The following SLC16A10 variants were observed in gnomAD, a reference collection of about 807,000 sequenced individuals.
SLC16A10 encodes solute carrier family 16 member 10.
A neutral mutation model predicts 40.0 loss-of-function variants in SLC16A10; 27 were observed. That is an observed-to-expected ratio of 0.67 (90% confidence interval 0.50 to 0.93). The LOEUF (loss-of-function observed/expected upper bound fraction) is 0.93. Among genes scored for constraint, SLC16A10 ranks in the 40% least tolerant of loss-of-function variants. The pLI is 0.00. For missense variants in SLC16A10, 529 were observed against 658.2 expected, an observed-to-expected ratio of 0.80 and a Z score of 2.15; for synonymous variants, 213 against 249.8, an observed-to-expected ratio of 0.85 and a Z score of 1.39.
chr6:111,164,047 A>G (rs1031232896), intron 1 of SLC16A10, among the ~76,000 whole-genome samples: 4 of 152,204 alleles, frequency 2.6e-5, no homozygotes, highest in Non-Finnish European at 5.9e-5. Flanking sequence ...CTAATGTTCA[A>G]TTTACAGAAA....
At chr6:111,214,243 A>C (rs1032654739) in intron 4 of SLC16A10, among the ~76,000 whole-genome samples, 1 of 152,092 alleles carries the variant, frequency 6.6e-6, no homozygotes, top group African/African-American at 2.4e-5. Context: ...CTGGCTTATT[A>C]AGTGTCAGTG....
intron 1 of SLC16A10, among the ~76,000 whole-genome samples, chr6:111,117,806 A>G (rs1487024073): frequency 6.6e-6 from 1 of 152,212 alleles, no homozygotes; most frequent in Middle Eastern, 3.2e-3. Flanking sequence ...GCCTTGCTGA[A>G]CAATTAATCC....
At chr6:111,201,990 A>C (rs1773174877) in intron 3 of SLC16A10, among the ~76,000 whole-genome samples, 1 of 152,236 alleles carries the variant, frequency 6.6e-6, no homozygotes, top group Non-Finnish European at 1.5e-5. Context: ...TCATCAGAAC[A>C]CCATGTGATG....
intron 4 of SLC16A10, among the ~76,000 whole-genome samples, chr6:111,209,305 G>A (rs557278354): frequency 6.6e-6 from 1 of 152,166 alleles, no homozygotes; most frequent in Non-Finnish European, 1.5e-5. Flanking sequence ...GAGATACTGA[G>A]ATCAAATGGA....
At chr6:111,114,431 A>G (rs1226620749) in intron 1 of SLC16A10, among the ~76,000 whole-genome samples, 1 of 152,214 alleles carries the variant, frequency 6.6e-6, no homozygotes, top group Non-Finnish European at 1.5e-5. Flanking sequence ...TATTTTCTGT[A>G]CACTGAGAAA....
intron 1 of SLC16A10, among the ~76,000 whole-genome samples, chr6:111,133,826 T>C (rs1439221690): frequency 1.3e-5 from 2 of 152,284 alleles, no homozygotes; most frequent in Admixed American, 6.5e-5. Flanking sequence ...TCCCTGGTTA[T>C]GCACCCTCCA....
chr6:111,171,637 A>G (rs537964302), intron 1 of SLC16A10, among the ~76,000 whole-genome samples: 5 of 152,086 alleles, frequency 3.3e-5, no homozygotes, highest in Admixed American at 6.6e-5. Context: ...GCAACCTGGC[A>G]AAACCTTGTT....
chr6:111,164,934 G>T (rs376021054), intron 1 of SLC16A10, among the ~76,000 whole-genome samples: 1 of 152,016 alleles, frequency 6.6e-6, no homozygotes, highest in Non-Finnish European at 1.5e-5. Context: ...GAACTAAAAG[G>T]TATTATAGCT....
intron 1 of SLC16A10, among the ~76,000 whole-genome samples, chr6:111,124,514 C>T (rs1335294399): frequency 6.6e-6 from 1 of 152,036 alleles, no homozygotes; most frequent in Non-Finnish European, 1.5e-5. Flanking sequence ...AGGCGTGCAC[C>T]ACCACACCCA....
At chr6:111,175,545 C>T (rs1437988327) in intron 2 of SLC16A10, among the ~76,000 whole-genome samples, 2 of 152,082 alleles carry the variant, frequency 1.3e-5, no homozygotes, top group Admixed American at 1.3e-4. Flanking sequence ...AACAAATAAG[C>T]ACTTTAAGTA....
rs773230210 is a variant in SLC16A10 at position 111,218,875 on chromosome 6, G to A, written c.1148G>A (p.Gly383Glu). Residue 383 changes from glycine to glutamate, a missense_variant, in exon 5 of 6, where the codon GGG becomes GAG. Transcript: ENST00000368851. ...SMMIPLCSIF[G>E]ALIAVCLIMG... ...ATGATTCCTCTGTGTAGCATCTTTG[G>A]GGCCCTCATTGCTGTGTGCCTCATC... 4 of 1,614,008 alleles carry A rather than the reference G, an allele frequency of 2.5e-6. No individual in the cohort carries two copies. Among genetic ancestry groups the A allele is most frequent in the Non-Finnish European group, 2.5e-6 (3 of 1,180,018 alleles).
At chr6:111,212,746 T>A (rs1247704326) in intron 4 of SLC16A10, among the ~76,000 whole-genome samples, 3 of 150,834 alleles carry the variant, frequency 2.0e-5, no homozygotes, top group Non-Finnish European at 4.4e-5. Context: ...TGAGCTGTGA[T>A]CATGCCACTG....
intron 1 of SLC16A10, among the ~76,000 whole-genome samples, chr6:111,117,385 G>A (rs950909999): frequency 1.3e-5 from 2 of 149,250 alleles, no homozygotes; most frequent in African/African-American, 2.5e-5. Context: ...AAGTGGGAGG[G>A]TCAAAGCCAA....
At chr6:111,184,851 G>A (rs546504772) in intron 3 of SLC16A10, among the ~76,000 whole-genome samples, 41 of 152,294 alleles carry the variant, frequency 2.7e-4, no homozygotes, top group South Asian at 6.2e-4. Context: ...TGTAAACCTC[G>A]AAAGGTATTT....
rs953952356 is a variant in SLC16A10 at position 111,170,234 on chromosome 6, A to G, written c.344-2461A>G. Among the ~76,000 whole-genome samples, 3 of 151,938 alleles carry G rather than the reference A, an allele frequency of 2.0e-5. 1 individual carries two copies. In the South Asian group the frequency reaches 6.2e-4, roughly 32 times the overall value. On this transcript the variant is annotated intron_variant, in intron 1 of 5. Transcript: ENST00000368851. ...CCCGGCCAAGGTCTTTTTTCTTGAA[A>G]ATATCTTCACTCATATAAGCAGTAT... is the stretch of plus-strand genomic sequence containing the variant.
In SLC16A10 at chr6:111,215,143, A is replaced by G. The variant is rs536632692; in HGVS notation, c.1087-3671A>G. Among the ~76,000 whole-genome samples the G allele has an allele frequency of 1.0e-3, 158 of 152,242 alleles. 2 individuals are homozygous for G. In the South Asian group the frequency reaches 0.031, roughly 30 times the overall value. On this transcript the variant is annotated intron_variant, in intron 4 of 5. Coordinates refer to ENST00000368851, the MANE Select transcript of SLC16A10 (RefSeq NM_018593.5). ...CAAAAAAATAAAAAAAATAAAAAAA[A>G]GAAATATTATGCTCAAAATATATAG...
At chr6:111,175,104 T>C (rs1045517829) in intron 2 of SLC16A10, among the ~76,000 whole-genome samples, 1 of 152,214 alleles carries the variant, frequency 6.6e-6, no homozygotes, top group Non-Finnish European at 1.5e-5. Flanking sequence ...GTCCATTTTT[T>C]CCTCTAGCTC....
chr6:111,142,102 G>T (rs1209106167), intron 1 of SLC16A10, among the ~76,000 whole-genome samples: 19 of 152,158 alleles, frequency 1.2e-4, no homozygotes, highest in Admixed American at 1.2e-3. Context: ...TAGACTGACA[G>T]TGTCCTACTT....
At chr6:111,089,916 T>A (rs1198239792) in intron 1 of SLC16A10, among the ~76,000 whole-genome samples, 1 of 98,536 alleles carries the variant, frequency 1.0e-5, no homozygotes, top group Admixed American at 9.7e-5. Context: ...GGGTTTTTTT[T>A]TTTTTTTTTT....
Sources: gnomAD v4.1 joint callset for allele counts (sites outside exome capture counted in the v4.1 genomes callset) on GRCh38, gnomAD v4.1.1 for gene constraint, MANE v1.5 for transcripts, NCBI Gene and HGNC (gene_info 2026-07-23, HGNC 2026-07-21) for gene names.